ENOX1: variants seen among roughly 807,000 people sequenced by gnomAD.
ENOX1 encodes candidate growth-related and time keeping constitutive hydroquinone (NADH) oxidase.
In ENOX1, 42 loss-of-function variants were observed where a neutral mutation model predicts 82.5. The ratio of observed to expected loss-of-function variants is 0.51; its 90% confidence interval spans 0.40 to 0.66. The LOEUF (loss-of-function observed/expected upper bound fraction) is 0.66. Among genes scored for constraint, ENOX1 ranks in the 30% least tolerant of loss-of-function variants. The pLI is 0.00. For missense variants in ENOX1, 608 were observed against 811.6 expected (o/e 0.75, Z 3.05); for synonymous variants, 271 against 282.2 (o/e 0.96, Z 0.40).
chr13:43,482,814 C>T (rs987824601), intron 3 of ENOX1, among the ~76,000 whole-genome samples: 1 of 152,120 alleles, frequency 6.6e-6, no homozygotes, highest in Non-Finnish European at 1.5e-5. Flanking sequence ...ACTTCTGTTT[C>T]TATGGATACA....
intron 2 of ENOX1, among the ~76,000 whole-genome samples, chr13:43,603,536 C>A (rs929004827): frequency 2.6e-4 from 35 of 136,582 alleles, no homozygotes; most frequent in East Asian, 1.3e-3. Flanking sequence ...ATCCCTCCCC[C>A]CTCCCCCCAC....
At chr13:43,447,853 G>A (rs996381296) in intron 3 of ENOX1, among the ~76,000 whole-genome samples, 2 of 152,166 alleles carry the variant, frequency 1.3e-5, no homozygotes, top group African/African-American at 2.4e-5. Context: ...ATATTAAAAT[G>A]TGTTTGTGTT....
intron 1 of ENOX1, among the ~76,000 whole-genome samples, chr13:43,675,171 C>G (rs766810253): frequency 2.6e-5 from 4 of 152,124 alleles, no homozygotes; most frequent in Non-Finnish European, 5.9e-5. Flanking sequence ...GAGAGGCAAT[C>G]AACAGAGGCT....
chr13:43,616,902 G>A (rs1291701555), intron 2 of ENOX1, among the ~76,000 whole-genome samples: 1 of 146,846 alleles, frequency 6.8e-6, no homozygotes, highest in Non-Finnish European at 1.5e-5. Context: ...ATTTTTTAAA[G>A]AATGCAAAAG....
chr13:43,442,501 C>CA (rs1244327225), intron 3 of ENOX1, among the ~76,000 whole-genome samples: 1 of 152,208 alleles, frequency 6.6e-6, no homozygotes, highest in Non-Finnish European at 1.5e-5. Flanking sequence ...GAGACACTGA[C>CA]AGTCACTCAC....
chr13:43,765,925 ATCTT>A (rs1236952684), intron 1 of ENOX1, among the ~76,000 whole-genome samples: 1 of 152,216 alleles, frequency 6.6e-6, no homozygotes, highest in Non-Finnish European at 1.5e-5. Context: ...CAATTTCAGT[ATCTT>A]TCTTCTCATA....
At chr13:43,473,395 T>G (rs1182522973) in intron 3 of ENOX1, among the ~76,000 whole-genome samples, 1 of 152,200 alleles carries the variant, frequency 6.6e-6, no homozygotes, top group Non-Finnish European at 1.5e-5. Flanking sequence ...TAGGATGGAA[T>G]TTCTAACAGT....
At chr13:43,252,675 T>G (rs530705699) in intron 14 of ENOX1, among the ~76,000 whole-genome samples, 3 of 152,282 alleles carry the variant, frequency 2.0e-5, no homozygotes, top group African/African-American at 7.2e-5. Flanking sequence ...CTGACTTTTG[T>G]GAGACCCTAG....
intron 2 of ENOX1, among the ~76,000 whole-genome samples, chr13:43,489,112 G>C (rs1197423476): frequency 6.6e-6 from 1 of 152,194 alleles, no homozygotes; most frequent in Non-Finnish European, 1.5e-5. Context: ...TTAGAAGAAA[G>C]CCAGGAGCCA....
chr13:43,217,890 T>C, intron 16 of ENOX1, among the ~76,000 whole-genome samples: 1 of 152,186 alleles, frequency 6.6e-6, no homozygotes, highest in East Asian at 1.9e-4. Flanking sequence ...TGAGAGGATG[T>C]GATAGGTCTT....
intron 1 of ENOX1, among the ~76,000 whole-genome samples, chr13:43,758,515 C>T (rs1950781133): frequency 6.6e-6 from 1 of 152,180 alleles, no homozygotes; most frequent in South Asian, 2.1e-4. Context: ...AGAAGGCCAG[C>T]ATGAGGATCC....
chr13:43,685,207 G>A (rs987407538), intron 1 of ENOX1, among the ~76,000 whole-genome samples: 15 of 152,070 alleles, frequency 9.9e-5, no homozygotes, highest in African/African-American at 3.6e-4. Flanking sequence ...CACTATATCC[G>A]GATCTAGTTG....
chr13:43,322,326 C>A, intron 11 of ENOX1, 58 bp downstream of exon 11: 1 of 1,354,858 alleles, frequency 7.4e-7, no homozygotes, highest in South Asian at 1.2e-5. Flanking sequence ...TATTCCCCAT[C>A]TGAGATTTGG....
chr13:43,554,400 A>T (rs1035628179), intron 2 of ENOX1, among the ~76,000 whole-genome samples: 1 of 152,210 alleles, frequency 6.6e-6, no homozygotes, highest in Non-Finnish European at 1.5e-5. Context: ...TTAAAAACAT[A>T]GTTAGATCTG....
At chr13:43,219,796 A>G (rs3783048) in intron 16 of ENOX1, among the ~76,000 whole-genome samples, 3,261 of 152,320 alleles carry the variant, frequency 0.021, 184 homozygotes, top group East Asian at 0.14. Context: ...TGTTCTCATC[A>G]TGGTTGGCTC....
chr13:43,504,905 T>C (rs1229928695), intron 2 of ENOX1, among the ~76,000 whole-genome samples: 2 of 151,722 alleles, frequency 1.3e-5, no homozygotes, highest in Non-Finnish European at 3.0e-5. Flanking sequence ...GTTATATACT[T>C]ATCTCTAACT....
chr13:43,471,894 T>G (rs2058085763), intron 3 of ENOX1, among the ~76,000 whole-genome samples: 1 of 151,678 alleles, frequency 6.6e-6, no homozygotes, highest in African/African-American at 2.4e-5. Flanking sequence ...GATAGAATGA[T>G]GCACAGTGGT....
At chr13:43,364,376 A>G (rs1397885613) in intron 5 of ENOX1, among the ~76,000 whole-genome samples, 1 of 152,224 alleles carries the variant, frequency 6.6e-6, no homozygotes, top group Non-Finnish European at 1.5e-5. Context: ...TTACGTATAC[A>G]GTAGAACTTT....
intron 3 of ENOX1, among the ~76,000 whole-genome samples, chr13:43,435,931 A>C (rs79161108): frequency 2.0e-5 from 1 of 51,212 alleles, no homozygotes; most frequent in Admixed American, 1.8e-4. Flanking sequence ...TCAAAGGATT[A>C]AAAAAAAAAA....
Sources: allele counts gnomAD v4.1 joint callset (sites outside exome capture counted in the v4.1 genomes callset), GRCh38; gene constraint gnomAD v4.1.1; transcripts MANE v1.5; gene names NCBI Gene and HGNC (gene_info 2026-07-23, HGNC 2026-07-21).